PTCH1: variants seen among roughly 807,000 people sequenced by gnomAD.
PTCH1 encodes patched 1, also known as protein patched homolog 1.
A neutral mutation model predicts 144.6 loss-of-function variants in PTCH1; 14 were observed. The ratio of observed to expected loss-of-function variants is 0.10; its 90% CI spans 0.06 to 0.15. The LOEUF is 0.15. PTCH1 is among the 10% of genes least tolerant of loss of function. PTCH1 has a pLI of 1.00. For synonymous variants in PTCH1, 833 were observed against 793.6 expected (o/e 1.05, Z -0.83); for missense variants, 1,623 against 1,948.3 (o/e 0.83, Z 3.14).
intron 16 of PTCH1, chr9:95,459,994 A>G: frequency 3.2e-6 from 2 of 624,194 alleles, no homozygotes; most frequent in Non-Finnish European, 2.9e-6. Context: ...GTTTATAACA[A>G]ACACAGTTCT....
chr9:95,504,906 C>T (rs752246179), intron 2 of PTCH1, among the ~76,000 whole-genome samples: 14 of 152,198 alleles, frequency 9.2e-5, no homozygotes, highest in Admixed American at 3.9e-4. Context: ...CTAGGGACAT[C>T]ATAGGTGCTC....
At chr9:95,474,574 T>G (rs993862620) in intron 12 of PTCH1, among the ~76,000 whole-genome samples, 13 of 152,210 alleles carry the variant, frequency 8.5e-5, no homozygotes, top group African/African-American at 3.1e-4. Flanking sequence ...ATGTTTCTTT[T>G]GGGGCTGGCG....
At chr9:95,465,643 T>A (rs943822086) in intron 15 of PTCH1, among the ~76,000 whole-genome samples, 4 of 152,232 alleles carry the variant, frequency 2.6e-5, no homozygotes, top group African/African-American at 9.6e-5. Context: ...CTCAAGTTGT[T>A]GACCATTTCC....
chr9:95,482,078 A>G (rs767388497), intron 4 of PTCH1, 38 bp from the exon 5 acceptor site: 5 of 1,609,580 alleles, frequency 3.1e-6, no homozygotes, highest in Non-Finnish European at 4.3e-6. Flanking sequence ...GCGTTAGGTT[A>G]AGGCACACTA....
intron 12 of PTCH1, 64 bp downstream of exon 12, chr9:95,475,970 C>G: frequency 1.9e-6 from 3 of 1,609,814 alleles, no homozygotes; most frequent in Non-Finnish European, 2.5e-6. Flanking sequence ...AGACCGCAGA[C>G]ATGGGATGCT....
intron 2 of PTCH1, among the ~76,000 whole-genome samples, chr9:95,494,102 T>A (rs995820469): frequency 6.6e-6 from 1 of 151,938 alleles, no homozygotes; most frequent in African/African-American, 2.4e-5. Context: ...ACGGGGCATG[T>A]GGCAGGCTGG....
intron 15 of PTCH1, 44 bp downstream of exon 15, chr9:95,467,070 AAC>A (rs1396182496): frequency 1.9e-6 from 3 of 1,585,652 alleles, no homozygotes; most frequent in Non-Finnish European, 2.6e-6. Context: ...GTTGAAGCTG[AAC>A]ACGCAAAAGA....
rs560805380 is a variant in PTCH1, at chr9:95,459,019, T to G, written c.2887+581A>C. On this transcript the variant is annotated intron_variant, in intron 17 of 23. Coordinates refer to ENST00000331920, the MANE Select transcript of PTCH1 (RefSeq NM_000264.5). ...TTTCTCACATCCTCCCTTGGCCCGG[T>G]ATCCAAAGCATACGCTACTAATATC... Among the ~76,000 whole-genome samples, 10 of 152,246 alleles carry G rather than the reference T, an allele frequency of 6.6e-5. No homozygotes were observed. In the South Asian group the frequency reaches 1.7e-3, roughly 25 times the overall value.
chr9:95,479,930 A>C (rs769674960), intron 7 of PTCH1, 39 bp downstream of exon 7: 20 of 1,614,048 alleles, frequency 1.2e-5, no homozygotes, highest in Admixed American at 1.7e-5. Context: ...GAAAGGAAGA[A>C]GACTACAGGG....
chr9:95,446,469 C>A (rs1837899694), intron 23 of PTCH1, 78 bp from the exon 24 acceptor site: 1 of 504,492 alleles, frequency 2.0e-6, no homozygotes, highest in Non-Finnish European at 3.9e-6. Flanking sequence ...CAAAAGCAGG[C>A]AGCAGTAACC....
At chr9:95,485,611 CG>C in intron 3 of PTCH1, 73 bp downstream of exon 3, 1 of 1,564,054 alleles carries the variant, frequency 6.4e-7, no homozygotes, top group Non-Finnish European at 8.8e-7. Flanking sequence ...ACTAAAATAA[CG>C]GGGCCTAAAC....
At chr9:95,484,499 G>A (rs537893806) in intron 3 of PTCH1, among the ~76,000 whole-genome samples, 1 of 152,338 alleles carries the variant, frequency 6.6e-6, no homozygotes, top group South Asian at 2.1e-4. Context: ...AGAGGTTAGA[G>A]AAGGGACAAG....
At chr9:95,494,265 C>T in intron 2 of PTCH1, 1 of 985,538 alleles carries the variant, frequency 1.0e-6, no homozygotes, top group Non-Finnish European at 1.2e-6. Flanking sequence ...CGCAGACCTG[C>T]TCGCCCTGTC....
chr9:95,505,861 C>T (rs1468022701), intron 2 of PTCH1, among the ~76,000 whole-genome samples: 1 of 149,366 alleles, frequency 6.7e-6, no homozygotes, highest in Non-Finnish European at 1.5e-5. Flanking sequence ...CACGCCGCCG[C>T]CTCCGCAGCC....
chr9:95,507,081 C>T lies in PTCH1; in HGVS notation c.202-482G>A, dbSNP rs965823201. The T allele has an allele frequency of 3.8e-5, 37 of 986,110 alleles. No homozygotes were observed. The African/African-American group carries it at 5.8e-4, about 15-fold the overall frequency. 61.1% of individuals were successfully genotyped at this position (986,110 alleles called of 1,614,324 possible). On this transcript the variant is annotated intron_variant, in intron 1 of 23. Coordinates refer to ENST00000331920, the MANE Select transcript of PTCH1 (RefSeq NM_000264.5). ...CTTTGGAACAACATATTGCGGGTTC[C>T]CCCAACTGGACCCCCGCCGAGAATG...
chr9:95,508,749 GC>G lies in PTCH1; in HGVS notation c.-389del. 1.4e-6 allele frequency: 1 copy of G among 725,706 alleles called. No homozygotes were observed. The allele number at this position is 725,706 out of a possible 1,614,324, so 45.0% of individuals were successfully genotyped here. A position where few individuals can be genotyped will look rare whatever the true frequency, so the allele number is the denominator to read the frequency against. Reference sequence around the variant, plus strand: ...TTGCGGTCCCCAACTCCCCCTACCCGCCCCCCGCCCCGCGCCGCGACCCCTT... The same window carrying G: ...TTGCGGTCCCCAACTCCCCCTACCCGCCCCCGCCCCGCGCCGCGACCCCTT... On this transcript the variant is annotated 5_prime_UTR_variant, in exon 1 of 24. Coordinates refer to ENST00000331920, the MANE Select transcript of PTCH1 (RefSeq NM_000264.5).
At chr9:95,467,074 C>A (rs117693231) in intron 15 of PTCH1, 42 bp downstream of exon 15, 1 of 1,594,468 alleles carries the variant, frequency 6.3e-7, no homozygotes, top group Non-Finnish European at 8.6e-7. Flanking sequence ...AAGCTGAACA[C>A]GCAAAAGACC....
chr9:95,447,561 G>C (rs998581209), intron 22 of PTCH1, 110 bp from the exon 23 acceptor site: 38 of 1,176,504 alleles, frequency 3.2e-5, no homozygotes, highest in Non-Finnish European at 3.9e-5. Flanking sequence ...TCAACCCTGG[G>C]GAGCCAATGG....
chr9:95,444,348 G>A lies in PTCH1; in HGVS notation c.*2045C>T, dbSNP rs919427973. 6.6e-6 allele frequency: 1 copy of A among 152,304 alleles called. No individual in the cohort carries two copies. The highest frequency in any genetic ancestry group is 1.5e-5 in the Non-Finnish European group (1 of 68,158). The allele number at this position is 152,304 out of a possible 1,614,324, so 9.4% of individuals were successfully genotyped here. On this transcript the variant is annotated 3_prime_UTR_variant, in exon 24 of 24. Coordinates refer to ENST00000331920, the MANE Select transcript of PTCH1 (RefSeq NM_000264.5). ...GAGCGAGGGCACGCCAGGAGCCAGA[G>A]GGAAGTCGACTTCAGAATTCTGCAT...
Sources: allele counts gnomAD v4.1 joint callset (sites outside exome capture counted in the v4.1 genomes callset), GRCh38; gene constraint gnomAD v4.1.1; transcripts MANE v1.5; gene names NCBI Gene and HGNC (gene_info 2026-07-23, HGNC 2026-07-21).